PALLD: variants seen among roughly 807,000 people sequenced by gnomAD.
PALLD encodes the protein palladin.
Under a neutral mutation model 123.5 loss-of-function variants are expected in PALLD, and 61 were observed. That is an observed-to-expected ratio of 0.49 (90% CI 0.40 to 0.61). PALLD has a LOEUF of 0.61. PALLD is among the 20% of genes least tolerant of loss of function. The probability of loss-of-function intolerance (pLI) is 0.00; values close to 1 mark genes in which losing one functional copy is unlikely to be tolerated. For synonymous variants in PALLD, 465 were observed against 496.4 expected, an observed-to-expected ratio of 0.94 and a Z score of 0.84; for missense variants, 1,273 against 1,377.0, an observed-to-expected ratio of 0.92 and a Z score of 1.20.
At chr4:168,878,768 G>T (rs2151125000) in intron 10 of PALLD, among the ~76,000 whole-genome samples, 1 of 151,028 alleles carries the variant, frequency 6.6e-6, no homozygotes, top group African/African-American at 2.4e-5. Context: ...ACATTCCTAA[G>T]AGGTAGCATT....
intron 10 of PALLD, among the ~76,000 whole-genome samples, chr4:168,837,484 A>G (rs1745363541): frequency 6.6e-6 from 1 of 152,240 alleles, no homozygotes; most frequent in East Asian, 1.9e-4. Flanking sequence ...ACCAGCACCT[A>G]TCGGTAGCTG....
At chr4:168,827,865 C>A (rs1222834525) in intron 10 of PALLD, among the ~76,000 whole-genome samples, 2 of 152,162 alleles carry the variant, frequency 1.3e-5, no homozygotes, top group Non-Finnish European at 1.5e-5. Context: ...CATAGTGAAA[C>A]CCTGTCTCTA....
intron 2 of PALLD, among the ~76,000 whole-genome samples, chr4:168,636,683 T>C (rs1776378100): frequency 6.6e-6 from 1 of 152,210 alleles, no homozygotes; most frequent in Non-Finnish European, 1.5e-5. Flanking sequence ...GAAGGGACTT[T>C]AAGAAATCAC....
intron 8 of PALLD, among the ~76,000 whole-genome samples, chr4:168,695,416 C>T (rs961320521): frequency 6.6e-6 from 1 of 152,154 alleles, no homozygotes; most frequent in African/African-American, 2.4e-5. Flanking sequence ...GGTGCCACAC[C>T]ACGCTGACAG....
intron 10 of PALLD, among the ~76,000 whole-genome samples, chr4:168,798,813 T>G (rs1246380068): frequency 1.3e-5 from 2 of 152,234 alleles, no homozygotes; most frequent in Non-Finnish European, 2.9e-5. Context: ...CATGTAAACT[T>G]GAACTGTCTC....
chr4:168,716,908 G>A (rs1474473798), intron 10 of PALLD, among the ~76,000 whole-genome samples: 2 of 152,106 alleles, frequency 1.3e-5, no homozygotes, highest in Admixed American at 1.3e-4. Flanking sequence ...AGTACAAGTT[G>A]TTCCCTTGCC....
intron 2 of PALLD, among the ~76,000 whole-genome samples, chr4:168,602,663 TA>T (rs1044046149): frequency 1.3e-5 from 2 of 152,188 alleles, no homozygotes; most frequent in African/African-American, 4.8e-5. Context: ...TAAGGAAAAC[TA>T]AAATATAAAT....
intron 3 of PALLD, among the ~76,000 whole-genome samples, chr4:168,674,506 G>T (rs947146184): frequency 6.6e-6 from 1 of 152,150 alleles, no homozygotes; most frequent in Non-Finnish European, 1.5e-5. Flanking sequence ...AGCCCCCAGG[G>T]TGTGAGAGAA....
chr4:168,793,151 G>A (rs77565904), intron 10 of PALLD, among the ~76,000 whole-genome samples: 15,895 of 128,136 alleles, frequency 0.12, 1,490 homozygotes, highest in Non-Finnish European at 0.17. Flanking sequence ...ATATATGTGT[G>A]CATATATATA....
At chr4:168,811,737 GTCTC>G (rs1741141821) in intron 10 of PALLD, among the ~76,000 whole-genome samples, 2 of 145,136 alleles carry the variant, frequency 1.4e-5, no homozygotes, top group Admixed American at 6.9e-5. Context: ...GCAAGACCCT[GTCTC>G]TCTTTCTCTC....
At chr4:168,588,272 G>T (rs1331778780) in intron 2 of PALLD, among the ~76,000 whole-genome samples, 2 of 152,126 alleles carry the variant, frequency 1.3e-5, no homozygotes, top group African/African-American at 4.8e-5. Context: ...GCCCATTATT[G>T]TGAGAATTTT....
chr4:168,577,142 C>G (rs745801543), intron 2 of PALLD, among the ~76,000 whole-genome samples: 50 of 152,078 alleles, frequency 3.3e-4, no homozygotes, highest in Non-Finnish European at 6.5e-4. Context: ...AAATGATGTA[C>G]AGAAAATGGA....
At chr4:168,918,494 T>C (rs1375792024) in intron 17 of PALLD, among the ~76,000 whole-genome samples, 1 of 152,054 alleles carries the variant, frequency 6.6e-6, no homozygotes, top group Non-Finnish European at 1.5e-5. Context: ...GTTGAACTCA[T>C]AGTAGAGAAT....
chr4:168,588,252 T>A (rs924087047), intron 2 of PALLD, among the ~76,000 whole-genome samples: 2 of 152,090 alleles, frequency 1.3e-5, no homozygotes, highest in African/African-American at 4.8e-5. Flanking sequence ...CACCCTGAGC[T>A]ATGAAACTGG....
chr4:168,873,776 A>G (rs1751388208), intron 10 of PALLD, among the ~76,000 whole-genome samples: 1 of 152,122 alleles, frequency 6.6e-6, no homozygotes, highest in South Asian at 2.1e-4. Context: ...TCACTAACTG[A>G]TGGTGAATTT....
chr4:168,679,940 G>A (rs1316683897), intron 3 of PALLD, among the ~76,000 whole-genome samples: 4 of 151,924 alleles, frequency 2.6e-5, no homozygotes, highest in Non-Finnish European at 5.9e-5. Context: ...TAAATAGGAA[G>A]GGACAGCAAA....
At chr4:168,908,491 G>T (rs983727806) in intron 15 of PALLD, among the ~76,000 whole-genome samples, 1 of 151,834 alleles carries the variant, frequency 6.6e-6, no homozygotes, top group African/African-American at 2.4e-5. Flanking sequence ...GTCATAAAAG[G>T]TGGTGAAAAA....
At chr4:168,740,226 CA>C (rs1442882837) in intron 10 of PALLD, among the ~76,000 whole-genome samples, 1 of 152,132 alleles carries the variant, frequency 6.6e-6, no homozygotes, top group Non-Finnish European at 1.5e-5. Flanking sequence ...GGATGAGTTA[CA>C]AAAGAAGAAA....
intron 10 of PALLD, among the ~76,000 whole-genome samples, chr4:168,885,812 C>G (rs1753256291): frequency 1.3e-5 from 2 of 152,180 alleles, no homozygotes; most frequent in African/African-American, 4.8e-5. Flanking sequence ...GATTGTGATG[C>G]TCATTCCAAC....
Sources: allele counts gnomAD v4.1 joint callset (sites outside exome capture counted in the v4.1 genomes callset), GRCh38; gene constraint gnomAD v4.1.1; transcripts MANE v1.5; gene names NCBI Gene and HGNC (gene_info 2026-07-23, HGNC 2026-07-21).